The following NEK10 variants were observed in gnomAD, a reference collection of about 807,000 sequenced individuals.
NEK10 encodes serine/threonine-protein kinase Nek10.
NEK10 carries 122 observed loss-of-function variants against 159.8 expected under a neutral mutation model. The observed-to-expected ratio is 0.76, with a 90% confidence interval of 0.66 to 0.89. The LOEUF (loss-of-function observed/expected upper bound fraction) is 0.89. Ranked by LOEUF, NEK10 falls within the 40% of genes least tolerant of loss-of-function variation. The pLI, the probability that NEK10 is intolerant of heterozygous loss-of-function variation, is 0.00. For missense variants in NEK10, 1,342 were observed against 1,323.1 expected (o/e 1.01, Z -0.22); for synonymous variants, 466 against 457.1 (o/e 1.02, Z -0.25).
At chr3:27,255,775 ATGTC>A (rs1956108919) in intron 23 of NEK10, among the ~76,000 whole-genome samples, 1 of 152,224 alleles carries the variant, frequency 6.6e-6, no homozygotes, top group Non-Finnish European at 1.5e-5. Flanking sequence ...TTGTAAACAT[ATGTC>A]TAAGTATACA....
At chr3:27,360,685 C>T (rs1366472788) in intron 1 of NEK10, among the ~76,000 whole-genome samples, 1 of 152,100 alleles carries the variant, frequency 6.6e-6, no homozygotes, top group Non-Finnish European at 1.5e-5. Flanking sequence ...CCTCCTGGAC[C>T]CTGGGGTGCT....
intron 23 of NEK10, among the ~76,000 whole-genome samples, chr3:27,243,226 A>G (rs1046704667): frequency 6.6e-6 from 1 of 152,086 alleles, no homozygotes; most frequent in African/African-American, 2.4e-5. Context: ...CCAAGATAAA[A>G]AAGTTAATAA....
intron 26 of NEK10, among the ~76,000 whole-genome samples, chr3:27,184,173 A>ATTCC (rs1948395638): frequency 2.6e-5 from 4 of 152,240 alleles, no homozygotes; most frequent in Admixed American, 2.0e-4. Flanking sequence ...AAATCTGGAG[A>ATTCC]AAACGTAAGT....
intron 4 of NEK10, 129 bp downstream of exon 4, chr3:27,345,957 T>C: frequency 1.3e-6 from 1 of 760,714 alleles, no homozygotes. Flanking sequence ...ACTGAAAATA[T>C]TAAATTAAGA....
At chr3:27,282,660 G>GTT (rs1414205222) in intron 22 of NEK10, among the ~76,000 whole-genome samples, 1 of 122,756 alleles carries the variant, frequency 8.1e-6, no homozygotes, top group Admixed American at 8.1e-5. Flanking sequence ...ACATAACTGT[G>GTT]TTATATATAT....
At chr3:27,197,025 G>A (rs1490595678) in intron 25 of NEK10, among the ~76,000 whole-genome samples, 1 of 151,512 alleles carries the variant, frequency 6.6e-6, no homozygotes, top group Non-Finnish European at 1.5e-5. Context: ...TTACCATTCT[G>A]CAAGCCCTAT....
intron 32 of NEK10, among the ~76,000 whole-genome samples, chr3:27,127,566 G>A (rs1326001038): frequency 2.0e-5 from 3 of 152,094 alleles, no homozygotes; most frequent in East Asian, 3.9e-4. Context: ...TGGTATTTAT[G>A]TATCTAAACA....
At chr3:27,169,710 T>G (rs1946785548) in intron 29 of NEK10, among the ~76,000 whole-genome samples, 3 of 152,324 alleles carry the variant, frequency 2.0e-5, no homozygotes, top group Admixed American at 2.0e-4. Context: ...CTGAACTTCA[T>G]TTATGTTATG....
chr3:27,111,598 C>A (rs948748024), intron 35 of NEK10, among the ~76,000 whole-genome samples: 1 of 152,086 alleles, frequency 6.6e-6, no homozygotes, highest in Non-Finnish European at 1.5e-5. Context: ...TACTTGAATA[C>A]CTGTGTAGGT....
At chr3:27,302,301 T>C (rs2043889294) in intron 12 of NEK10, among the ~76,000 whole-genome samples, 1 of 152,160 alleles carries the variant, frequency 6.6e-6, no homozygotes, top group Non-Finnish European at 1.5e-5. Flanking sequence ...CTATTGGGCG[T>C]ATCTTTCATT....
intron 26 of NEK10, among the ~76,000 whole-genome samples, chr3:27,182,764 T>C (rs1037659007): frequency 6.6e-6 from 1 of 152,132 alleles, no homozygotes; most frequent in Admixed American, 6.6e-5. Flanking sequence ...AATGAACTCT[T>C]GTCATTTTCA....
chr3:27,132,732 A>G (rs1942765465), intron 31 of NEK10, among the ~76,000 whole-genome samples: 1 of 152,150 alleles, frequency 6.6e-6, no homozygotes, highest in South Asian at 2.1e-4. Context: ...CATTTAGAAG[A>G]AGGATAATAG....
intron 23 of NEK10, among the ~76,000 whole-genome samples, chr3:27,224,764 T>C (rs1172846184): frequency 6.6e-6 from 1 of 152,184 alleles, no homozygotes. Context: ...CGGGCTAAGA[T>C]AGCAAGTTGC....
At chr3:27,161,908 G>T (rs2148814119) in intron 30 of NEK10, among the ~76,000 whole-genome samples, 1 of 152,216 alleles carries the variant, frequency 6.6e-6, no homozygotes, top group African/African-American at 2.4e-5. Context: ...AGGAGGCTGA[G>T]GCAGGAGAAT....
chr3:27,282,898 C>T (rs2042312010), intron 22 of NEK10, among the ~76,000 whole-genome samples: 1 of 151,142 alleles, frequency 6.6e-6, no homozygotes, highest in Admixed American at 6.6e-5. Context: ...ACATAAAAAG[C>T]CTAAGGTAAA....
intron 32 of NEK10, 82 bp from the exon 33 acceptor site, chr3:27,119,950 TC>T: frequency 5.3e-6 from 5 of 951,778 alleles, no homozygotes; most frequent in Non-Finnish European, 8.5e-6. Context: ...GTTTTTCATT[TC>T]CCTATGTCTC....
intron 5 of NEK10, among the ~76,000 whole-genome samples, chr3:27,340,969 G>C (rs77212844): frequency 0.029 from 4,392 of 151,974 alleles, 217 homozygotes; most frequent in African/African-American, 0.1. Context: ...ACAAACAAAT[G>C]AATTTTTAAA....
chr3:27,156,972 A>C (rs1282680429), intron 30 of NEK10, among the ~76,000 whole-genome samples: 2 of 119,176 alleles, frequency 1.7e-5, no homozygotes, highest in Non-Finnish European at 3.5e-5. Context: ...ATATATATAT[A>C]TATATATGAT....
At chr3:27,182,218 AC>A (rs1948187994) in intron 26 of NEK10, among the ~76,000 whole-genome samples, 2 of 152,150 alleles carry the variant, frequency 1.3e-5, no homozygotes, top group Admixed American at 6.5e-5. Flanking sequence ...CAAAAATTAT[AC>A]TGTGTGGTAA....
Sources: allele counts gnomAD v4.1 joint callset (sites outside exome capture counted in the v4.1 genomes callset), GRCh38; gene constraint gnomAD v4.1.1; transcripts MANE v1.5; gene names NCBI Gene and HGNC (gene_info 2026-07-23, HGNC 2026-07-21).